SLIT2: variants seen among roughly 807,000 people sequenced by gnomAD.
The protein encoded by SLIT2 is slit homolog 2 protein.
In SLIT2, 41 loss-of-function variants were observed where a neutral mutation model predicts 185.7. The observed-to-expected ratio is 0.22, with a 90% CI of 0.17 to 0.29. The LOEUF (loss-of-function observed/expected upper bound fraction) is 0.29, where lower values mean the gene tolerates loss of function less well. SLIT2 is among the 10% of genes least tolerant of loss of function. SLIT2 has a pLI of 1.00. For missense variants in SLIT2, 1,571 were observed against 1,909.0 expected, an observed-to-expected ratio of 0.82 and a Z score of 3.30; for synonymous variants, 693 against 680.2, an observed-to-expected ratio of 1.02 and a Z score of -0.29.
chr4:20,512,196 A>G (rs1021100155), intron 11 of SLIT2, among the ~76,000 whole-genome samples: 1 of 152,098 alleles, frequency 6.6e-6, no homozygotes, highest in African/African-American at 2.4e-5. Context: ...AATATTTCAG[A>G]TATCAGAGGT....
At chr4:20,328,722 A>C (rs1007633462) in intron 4 of SLIT2, among the ~76,000 whole-genome samples, 1 of 152,116 alleles carries the variant, frequency 6.6e-6, no homozygotes, top group African/African-American at 2.4e-5. Context: ...AATGGAGTCA[A>C]ATAAGGACTC....
intron 4 of SLIT2, among the ~76,000 whole-genome samples, chr4:20,371,729 G>A (rs1432269219): frequency 6.6e-6 from 1 of 152,032 alleles, no homozygotes; most frequent in African/African-American, 2.4e-5. Flanking sequence ...TGGTCAAAAG[G>A]AGATGTGTAA....
chr4:20,351,812 G>A (rs1208874427), intron 4 of SLIT2, among the ~76,000 whole-genome samples: 1 of 152,194 alleles, frequency 6.6e-6, no homozygotes, highest in Admixed American at 6.5e-5. Context: ...TCCTGCTTAA[G>A]CAACTCAGTT....
At chr4:20,379,418 G>A (rs753427025) in intron 4 of SLIT2, among the ~76,000 whole-genome samples, 32 of 151,966 alleles carry the variant, frequency 2.1e-4, no homozygotes, top group African/African-American at 3.4e-4. Context: ...GATATATGTC[G>A]CCTTATCCAA....
intron 16 of SLIT2, among the ~76,000 whole-genome samples, chr4:20,529,998 C>G (rs1460586541): frequency 2.0e-5 from 3 of 152,076 alleles, no homozygotes; most frequent in Non-Finnish European, 4.4e-5. Flanking sequence ...TGCCTATACT[C>G]ATGCCTGTAC....
At chr4:20,501,721 G>A (rs540175622) in intron 9 of SLIT2, among the ~76,000 whole-genome samples, 9 of 152,164 alleles carry the variant, frequency 5.9e-5, no homozygotes, top group African/African-American at 1.2e-4. Context: ...ATGTAGTTCC[G>A]CAGGCCATTA....
chr4:20,585,633 A>T (rs6816381), intron 29 of SLIT2, among the ~76,000 whole-genome samples: 2 of 152,124 alleles, frequency 1.3e-5, no homozygotes, highest in Non-Finnish European at 1.5e-5. Flanking sequence ...TCTTGATGTC[A>T]GTTTAAACGT....
rs925391521 is a variant in SLIT2, at chr4:20,254,976, T to C, written c.179+982T>C. The C allele has an allele frequency of 7.7e-5, 35 of 456,178 alleles. No homozygotes were observed. The highest frequency in any genetic ancestry group is 6.8e-4 in the African/African-American group (34 of 50,086). 28.3% of individuals were successfully genotyped at this position (456,178 alleles called of 1,614,324 possible). A position where few individuals can be genotyped will look rare whatever the true frequency, so the allele number is the denominator to read the frequency against. ...GACCCGGTGTTGACGGCCCACGCGC[T>C]CCTGATGAGGCGCTTCCAGAGTTCA... On this transcript the variant is annotated intron_variant, in intron 1 of 36. Transcript: ENST00000504154. The surrounding 1 kb of genome is among the most constrained non-coding windows in gnomAD (Gnocchi z 5.1).
intron 18 of SLIT2, among the ~76,000 whole-genome samples, chr4:20,536,683 T>G (rs1272991279): frequency 6.6e-6 from 1 of 151,890 alleles, no homozygotes; most frequent in Non-Finnish European, 1.5e-5. Context: ...CTTTTTTACT[T>G]TATGAACTTT....
chr4:20,568,389 A>G (rs1365482650), intron 28 of SLIT2, among the ~76,000 whole-genome samples: 1 of 152,078 alleles, frequency 6.6e-6, no homozygotes, highest in Non-Finnish European at 1.5e-5. Context: ...AATTGCAAGG[A>G]AGACAAAATT....
chr4:20,538,817 C>A (rs1029701900), intron 18 of SLIT2, among the ~76,000 whole-genome samples: 1 of 148,942 alleles, frequency 6.7e-6, no homozygotes, highest in Non-Finnish European at 1.5e-5. Context: ...TCATGGTAAA[C>A]CTTTTAAAAC....
chr4:20,390,405 A>G (rs1489140842), intron 4 of SLIT2, among the ~76,000 whole-genome samples: 1 of 152,146 alleles, frequency 6.6e-6, no homozygotes, highest in Non-Finnish European at 1.5e-5. Flanking sequence ...GATGCTTTGC[A>G]GTGGATGATA....
intron 4 of SLIT2, among the ~76,000 whole-genome samples, chr4:20,328,958 G>A (rs1719833214): frequency 2.0e-5 from 3 of 152,040 alleles, no homozygotes. Context: ...AAAGGCAGAA[G>A]AATGACAGAG....
At chr4:20,432,766 A>G (rs1269999073) in intron 4 of SLIT2, among the ~76,000 whole-genome samples, 3 of 152,338 alleles carry the variant, frequency 2.0e-5, no homozygotes, top group East Asian at 3.9e-4. Context: ...TTTAAAAACT[A>G]AAATTTTCTT....
chr4:20,594,013 T>C (rs1044215820), intron 30 of SLIT2, among the ~76,000 whole-genome samples: 2 of 148,712 alleles, frequency 1.3e-5, no homozygotes, highest in African/African-American at 5.0e-5. Flanking sequence ...CACATACATA[T>C]GTATGTGTGT....
At chr4:20,561,949 A>G (rs1371403399) in intron 26 of SLIT2, among the ~76,000 whole-genome samples, 7 of 151,882 alleles carry the variant, frequency 4.6e-5, no homozygotes, top group African/African-American at 1.7e-4. Context: ...CAATGCAAAG[A>G]TTTTATAAAA....
intron 18 of SLIT2, among the ~76,000 whole-genome samples, chr4:20,536,558 CAAAAAAA>C (rs35710842): frequency 2.6e-5 from 2 of 75,848 alleles, no homozygotes; most frequent in African/African-American, 1.0e-4. Flanking sequence ...AACTCTGTCG[CAAAAAAA>C]AAAAAAAAAA....
intron 4 of SLIT2, among the ~76,000 whole-genome samples, chr4:20,321,446 A>G (rs764555940): frequency 2.6e-5 from 4 of 152,218 alleles, no homozygotes; most frequent in Non-Finnish European, 5.9e-5. Context: ...GGAGTATATG[A>G]GTAAAGAAGG....
At chr4:20,396,164 A>C (rs568072850) in intron 4 of SLIT2, among the ~76,000 whole-genome samples, 3 of 151,924 alleles carry the variant, frequency 2.0e-5, no homozygotes, top group Non-Finnish European at 2.9e-5. Context: ...ATTTTTTAAC[A>C]CAGCAGAATT....
Sources: allele counts gnomAD v4.1 joint callset (sites outside exome capture counted in the v4.1 genomes callset), GRCh38; gene constraint gnomAD v4.1.1; non-coding constraint Gnocchi (gnomAD v3.1); transcripts MANE v1.5; gene names NCBI Gene and HGNC (gene_info 2026-07-23, HGNC 2026-07-21).